The following UBE2L3 variants were observed in gnomAD, a reference collection of about 807,000 sequenced individuals.
UBE2L3 encodes the protein ubiquitin conjugating enzyme E2 L3.
A neutral mutation model predicts 17.8 loss-of-function variants in UBE2L3; 1 was observed. The observed-to-expected ratio is 0.06, with a 90% CI of 0.02 to 0.27. The LOEUF (loss-of-function observed/expected upper bound fraction) is 0.27, where lower values mean the gene tolerates loss of function less well. Among genes scored for constraint, UBE2L3 ranks in the 10% least tolerant of loss-of-function variants. The pLI, the probability that UBE2L3 is intolerant of heterozygous loss-of-function variation, is 1.00. For synonymous variants in UBE2L3, 44 were observed against 68.5 expected (o/e 0.64, Z 1.76); for missense variants, 40 against 192.6 (o/e 0.21, Z 4.69).
intron 3 of UBE2L3, among the ~76,000 whole-genome samples, chr22:21,617,066 C>T (rs1180228736): frequency 3.3e-5 from 5 of 149,964 alleles, no homozygotes; most frequent in African/African-American, 9.8e-5. Flanking sequence ...AAAAATTAGC[C>T]GGGCGTGGTT....
intron 1 of UBE2L3, among the ~76,000 whole-genome samples, chr22:21,585,920 G>T (rs1927911325): frequency 6.6e-6 from 1 of 152,052 alleles, no homozygotes; most frequent in African/African-American, 2.4e-5. Flanking sequence ...GTCGTCTAGT[G>T]CTGTTGGATT....
At chr22:21,574,894 G>A (rs1927177211) in intron 1 of UBE2L3, among the ~76,000 whole-genome samples, 1 of 152,026 alleles carries the variant, frequency 6.6e-6, no homozygotes, top group Non-Finnish European at 1.5e-5. Flanking sequence ...GAACCTGAGA[G>A]GCAGAGGTTG....
chr22:21,619,623 G>A (rs552171159), intron 3 of UBE2L3, among the ~76,000 whole-genome samples: 1 of 152,356 alleles, frequency 6.6e-6, no homozygotes, highest in African/African-American at 2.4e-5. Context: ...TTGTGCTGTG[G>A]CCCTCACTTA....
chr22:21,611,912 TC>T (rs1476226072), intron 3 of UBE2L3, among the ~76,000 whole-genome samples: 1 of 152,116 alleles, frequency 6.6e-6, no homozygotes, highest in Non-Finnish European at 1.5e-5. Context: ...GGGGTGCTGC[TC>T]TAGGGTAGGG....
chr22:21,573,835 G>T (rs1927114920), intron 1 of UBE2L3, among the ~76,000 whole-genome samples: 1 of 152,206 alleles, frequency 6.6e-6, no homozygotes, highest in Admixed American at 6.5e-5. Context: ...TTCCAGAAGT[G>T]TTGAGGCATT....
intron 2 of UBE2L3, among the ~76,000 whole-genome samples, chr22:21,599,645 A>T (rs1928748173): frequency 6.6e-6 from 1 of 152,312 alleles, no homozygotes; most frequent in Admixed American, 6.5e-5. Flanking sequence ...AAATATAGGC[A>T]GTGTGAGGAC....
rs149536624 is a variant in UBE2L3, at chr22:21,583,901, A to G, written c.28-8960A>G. Among the ~76,000 whole-genome samples, 24 of 151,818 alleles carry G rather than the reference A, an allele frequency of 1.6e-4. No individual in the cohort carries two copies. The East Asian group carries it at 4.6e-3, about 29-fold the overall frequency. On this transcript the variant is annotated intron_variant, in intron 1 of 3. Coordinates refer to ENST00000342192, the MANE Select transcript of UBE2L3 (RefSeq NM_003347.4). Reference sequence around the variant, plus strand: ...TAATTTTTTTTTTCTTCTGAGGTGGAGTTTCACTCGTTGCCCAGGCCGGAG... The same window carrying G: ...TAATTTTTTTTTTCTTCTGAGGTGGGGTTTCACTCGTTGCCCAGGCCGGAG...
chr22:21,583,425 A>C (rs1329639152), intron 1 of UBE2L3, among the ~76,000 whole-genome samples: 1 of 152,188 alleles, frequency 6.6e-6, no homozygotes, highest in Non-Finnish European at 1.5e-5. Flanking sequence ...CATTTAACAG[A>C]TATAAAATGA....
At position 21,611,055 on chromosome 22, in the gene UBE2L3, G is replaced by C. The variant is rs756268117; in HGVS notation, c.310+12G>C. On this transcript the variant is annotated intron_variant, in intron 3 of 3. Transcript: ENST00000342192. ...CAAAACCGACCAAGGTAAGACATGT[G>C]CCTGTGTCTTCCTCGGAGGGGGTCT... 14 of 1,584,680 alleles carry C rather than the reference G, an allele frequency of 8.8e-6. No homozygotes were observed. The Admixed American group carries it at 1.6e-4, about 19-fold the overall frequency.
chr22:21,617,144 TAAAAAA>T (rs552706292), intron 3 of UBE2L3, among the ~76,000 whole-genome samples: 3 of 110,688 alleles, frequency 2.7e-5, no homozygotes, highest in Admixed American at 9.7e-5. Context: ...AACTCTGTCT[TAAAAAA>T]AAAAAAAAAA....
At chr22:21,572,873 G>GA (rs1016357059) in intron 1 of UBE2L3, among the ~76,000 whole-genome samples, 6 of 151,884 alleles carry the variant, frequency 4.0e-5, no homozygotes, top group Non-Finnish European at 7.4e-5. Context: ...GTTGCTCAAG[G>GA]AAAAAACGCC....
chr22:21,605,172 C>A (rs966711280), intron 2 of UBE2L3, among the ~76,000 whole-genome samples: 1 of 152,106 alleles, frequency 6.6e-6, no homozygotes, highest in Non-Finnish European at 1.5e-5. Context: ...GAGATCCTGT[C>A]TTTACAAAAG....
intron 1 of UBE2L3, among the ~76,000 whole-genome samples, chr22:21,574,853 T>C (rs903374300): frequency 6.6e-6 from 1 of 152,026 alleles, no homozygotes; most frequent in Non-Finnish European, 1.5e-5. Flanking sequence ...TAATCCCAGC[T>C]ACTAGGGAGG....
intron 1 of UBE2L3, among the ~76,000 whole-genome samples, chr22:21,570,176 A>T (rs1395956085): frequency 6.6e-6 from 1 of 152,166 alleles, no homozygotes; most frequent in Admixed American, 6.6e-5. Flanking sequence ...GGGTTCTGAG[A>T]TCCCGAAGGG....
intron 1 of UBE2L3, among the ~76,000 whole-genome samples, chr22:21,584,584 A>G (rs796428704): frequency 5.9e-5 from 9 of 151,968 alleles, no homozygotes; most frequent in Admixed American, 2.0e-4. Flanking sequence ...GGCTCAGGCA[A>G]TCCTTCCGCT....
At chr22:21,607,332 C>A (rs919162694) in intron 2 of UBE2L3, among the ~76,000 whole-genome samples, 1 of 151,292 alleles carries the variant, frequency 6.6e-6, no homozygotes, top group Admixed American at 6.6e-5. Context: ...CATGGTGAAA[C>A]CCCATCTCTA....
At chr22:21,567,987 C>T in intron 1 of UBE2L3, 1 of 1,364,090 alleles carries the variant, frequency 7.3e-7, no homozygotes. Context: ...GAGCCGCTGT[C>T]GGCCCCTCAG....
At chr22:21,603,979 A>G (rs938321683) in intron 2 of UBE2L3, among the ~76,000 whole-genome samples, 6 of 143,096 alleles carry the variant, frequency 4.2e-5, no homozygotes, top group African/African-American at 1.3e-4. Context: ...TGGTGTAATC[A>G]TAGCTCACTG....
upstream of UBE2L3, among the ~76,000 whole-genome samples, chr22:21,563,442 G>C (rs1362342323): frequency 7.3e-6 from 1 of 136,322 alleles, no homozygotes; most frequent in Non-Finnish European, 1.6e-5. Flanking sequence ...GGCTCCCGTA[G>C]TCCCAGCCAC....
Sources: allele counts gnomAD v4.1 joint callset (sites outside exome capture counted in the v4.1 genomes callset), GRCh38; gene constraint gnomAD v4.1.1; transcripts MANE v1.5; gene names NCBI Gene and HGNC (gene_info 2026-07-23, HGNC 2026-07-21).